The following CEP112 variants were observed in gnomAD, a reference collection of about 807,000 sequenced individuals.
CEP112 encodes centrosomal protein of 112 kDa.
In CEP112, 127 loss-of-function variants were observed where a neutral mutation model predicts 153.0. The ratio of observed to expected loss-of-function variants is 0.83; its 90% CI spans 0.72 to 0.96. The LOEUF (loss-of-function observed/expected upper bound fraction) is 0.96. Among genes scored for constraint, CEP112 ranks in the 40% least tolerant of loss-of-function variants. The probability of loss-of-function intolerance (pLI) is 0.00; values close to 1 mark genes in which losing one functional copy is unlikely to be tolerated. For missense variants in CEP112, 1,089 were observed against 1,101.2 expected, an observed-to-expected ratio of 0.99 and a Z score of 0.16; for synonymous variants, 358 against 374.4, an observed-to-expected ratio of 0.96 and a Z score of 0.51.
At chr17:65,864,303 T>G (rs2058410612) in intron 20 of CEP112, among the ~76,000 whole-genome samples, 2 of 152,176 alleles carry the variant, frequency 1.3e-5, no homozygotes, top group South Asian at 4.1e-4. Context: ...TATGTTAATG[T>G]GCCTAAGTGT....
At position 65,937,800 on chromosome 17, in the gene CEP112, G is replaced by T. The variant is rs1174549895; in HGVS notation, c.1873-10111C>A. On this transcript the variant is annotated intron_variant, in intron 18 of 26. Transcript: ENST00000535342. ...CCCGTCTGGGAGGGGGGTGGGGGGG[G>T]TCAGCCCCCCGCCCGGCCAGCCGCC... is the stretch of plus-strand genomic sequence containing the variant. 3.1e-5 allele frequency among the ~76,000 whole-genome samples: 3 copies of T among 97,386 alleles called. 1 individual carries two copies. Among genetic ancestry groups the T allele is most frequent in the Non-Finnish European group, 6.4e-5 (3 of 47,190 alleles). 63.9% of individuals were successfully genotyped at this position (97,386 alleles called of 152,430 possible).
At chr17:66,020,672 A>T (rs572935764) in intron 16 of CEP112, among the ~76,000 whole-genome samples, 1 of 152,394 alleles carries the variant, frequency 6.6e-6, no homozygotes, top group Non-Finnish European at 1.5e-5. Flanking sequence ...TGTATTTTAC[A>T]AGTAGATTGA....
intron 21 of CEP112, among the ~76,000 whole-genome samples, chr17:65,762,666 A>T (rs2052679993): frequency 6.6e-6 from 1 of 151,930 alleles, no homozygotes; most frequent in Admixed American, 6.6e-5. Flanking sequence ...TTCAAATAAC[A>T]CTATATCATC....
At chr17:65,674,186 A>G (rs2047114153) in intron 24 of CEP112, among the ~76,000 whole-genome samples, 1 of 152,256 alleles carries the variant, frequency 6.6e-6, no homozygotes, top group African/African-American at 2.4e-5. Context: ...ATAAACTTCT[A>G]TAGATCAAAT....
In CEP112 at chr17:66,154,758, G is replaced by A. The variant is rs114667945; in HGVS notation, c.470+20286C>T. On this transcript the variant is annotated intron_variant, in intron 4 of 26. Transcript: ENST00000535342. ...AAACAGGAAACAAAAAAAAACAACA[G>A]AGTCAACTGACAAAACTATATTAAA... is the stretch of plus-strand genomic sequence containing the variant. Among the ~76,000 whole-genome samples the A allele has an allele frequency of 6.0e-3, 908 of 150,858 alleles. 7 individuals carry two copies. Among genetic ancestry groups the A allele is most frequent in the African/African-American group, 0.021 (859 of 41,362 alleles).
chr17:65,882,650 A>C (rs2059125389), intron 20 of CEP112, among the ~76,000 whole-genome samples: 1 of 152,234 alleles, frequency 6.6e-6, no homozygotes, highest in Non-Finnish European at 1.5e-5. Context: ...AACAGACAAC[A>C]TATAGTCCCT....
chr17:65,815,510 A>C (rs2056216002), intron 21 of CEP112, among the ~76,000 whole-genome samples: 1 of 152,086 alleles, frequency 6.6e-6, no homozygotes, highest in Non-Finnish European at 1.5e-5. Flanking sequence ...CTGTAATGAA[A>C]TTTAGAGCCA....
intron 11 of CEP112, among the ~76,000 whole-genome samples, chr17:66,054,910 A>T (rs2066616542): frequency 6.6e-6 from 1 of 151,984 alleles, no homozygotes; most frequent in East Asian, 1.9e-4. Context: ...GCAGCCGCCA[A>T]AACATCTGGC....
At chr17:65,914,916 C>T (rs1188651044) in intron 19 of CEP112, among the ~76,000 whole-genome samples, 3 of 152,182 alleles carry the variant, frequency 2.0e-5, no homozygotes, top group Non-Finnish European at 4.4e-5. Flanking sequence ...TCTACTGAAA[C>T]CAGTCTTGTT....
chr17:66,102,097 TGA>T (rs2068590290), intron 6 of CEP112, among the ~76,000 whole-genome samples: 1 of 152,178 alleles, frequency 6.6e-6, no homozygotes, highest in African/African-American at 2.4e-5. Context: ...ACAAAAAATC[TGA>T]GAGTACATAA....
chr17:65,963,758 A>G (rs1017524140), intron 17 of CEP112, among the ~76,000 whole-genome samples: 12 of 152,090 alleles, frequency 7.9e-5, no homozygotes, highest in African/African-American at 2.9e-4. Flanking sequence ...ATCCGCAAAC[A>G]GGCACATTTT....
At position 66,029,223 on chromosome 17, in the gene CEP112, T is replaced by C. The variant is rs915976558; in HGVS notation, c.1403A>G (p.His468Arg). ...RRNTLHKEKD[H>R]LVNDYEQNMK... ...GTTTTGCTCATAATCATTTACAAGA[T>C]GGTCCTTCTCTTTATGCAGTGTGTT... is the stretch of plus-strand genomic sequence containing the variant. Residue 468 changes from histidine (H) to arginine (R), a missense_variant, in exon 14 of 27, where the codon CAT (histidine) becomes CGT (arginine). By Grantham distance (29) the His-to-Arg change is conservative. Transcript: ENST00000535342. 3 of 1,612,018 alleles carry C rather than the reference T, an allele frequency of 1.9e-6. No homozygotes were observed. Among genetic ancestry groups the C allele is most frequent in the Admixed American group, 3.3e-5 (2 of 59,930 alleles).
chr17:65,743,132 T>C lies in CEP112; in HGVS notation c.2543A>G (p.Asp848Gly). The C allele has an allele frequency of 6.2e-7, 1 of 1,613,060 alleles. No individual in the cohort carries two copies. Among genetic ancestry groups the C allele is most frequent in the Non-Finnish European group, 8.5e-7 (1 of 1,179,586 alleles). The change falls in exon 23 of 27, where the codon GAT becomes GGT. Residue 848 changes from aspartate to glycine, a missense_variant. Coordinates refer to ENST00000535342, the MANE Select transcript of CEP112 (RefSeq NM_001199165.4). Reference protein sequence around the residue: ...QQLAAERRLQDVRQKFEDEKK... With the variant: ...QQLAAERRLQGVRQKFEDEKK... The stretch of plus-strand genomic sequence containing the variant: ...CTCATCTTCAAACTTTTGTCTAACA[T>C]CCTGGAGCCGCCTTTCTGCAGCAAG...
intron 22 of CEP112, among the ~76,000 whole-genome samples, chr17:65,745,721 T>G (rs974892238): frequency 6.6e-6 from 1 of 152,148 alleles, no homozygotes; most frequent in Admixed American, 6.5e-5. Context: ...AACACATGTA[T>G]AGATTCATAT....
At chr17:66,057,683 T>C (rs2066749571) in intron 11 of CEP112, among the ~76,000 whole-genome samples, 2 of 151,970 alleles carry the variant, frequency 1.3e-5, no homozygotes. Flanking sequence ...GTATCTAACA[T>C]GTGCTTATTA....
At position 66,110,755 on chromosome 17, in the gene CEP112, A is replaced by G. The variant is rs141465164; in HGVS notation, c.643-14123T>C. Among the ~76,000 whole-genome samples the G allele has an allele frequency of 4.3e-3, 649 of 152,184 alleles. 6 individuals are homozygous for G. The highest frequency in any genetic ancestry group is 0.015 in the African/African-American group (622 of 41,556). Reference sequence around the variant, plus strand: ...AAATGTAAAACCCAAAACTATAAAAACCCTGGAAGAGAACCTAGGCAATAC... The same window carrying G: ...AAATGTAAAACCCAAAACTATAAAAGCCCTGGAAGAGAACCTAGGCAATAC... On this transcript the variant is annotated intron_variant, in intron 6 of 26. Transcript: ENST00000535342.
chr17:66,137,666 C>T (rs1402192629), intron 4 of CEP112, among the ~76,000 whole-genome samples: 1 of 152,028 alleles, frequency 6.6e-6, no homozygotes, highest in Non-Finnish European at 1.5e-5. Context: ...ATGATATATG[C>T]AAAGTACTGA....
intron 21 of CEP112, among the ~76,000 whole-genome samples, chr17:65,830,931 C>T (rs2057049515): frequency 6.6e-6 from 1 of 152,128 alleles, no homozygotes. Context: ...ATAAATCTTC[C>T]CCAGACCAGA....
At chr17:65,746,258 C>T (rs925749931) in intron 22 of CEP112, among the ~76,000 whole-genome samples, 12 of 149,284 alleles carry the variant, frequency 8.0e-5, no homozygotes, top group Non-Finnish European at 1.5e-4. Flanking sequence ...CTAAGAAGGA[C>T]GTGCTTGCTT....
Sources: allele counts gnomAD v4.1 joint callset (sites outside exome capture counted in the v4.1 genomes callset), GRCh38; gene constraint gnomAD v4.1.1; transcripts MANE v1.5; gene names NCBI Gene and HGNC (gene_info 2026-07-23, HGNC 2026-07-21).